CWC27: variants seen among roughly 807,000 people sequenced by gnomAD.
CWC27 encodes the protein CWC27 spliceosome associated cyclophilin, also known as spliceosome-associated protein CWC27 homolog.
In CWC27, 47 loss-of-function variants were observed where a neutral mutation model predicts 63.6. The ratio of observed to expected loss-of-function variants is 0.74; its 90% CI spans 0.58 to 0.94. The LOEUF (loss-of-function observed/expected upper bound fraction) is 0.94. Among genes scored for constraint, CWC27 ranks in the 40% least tolerant of loss-of-function variants. CWC27 has a pLI of 0.00. For missense variants in CWC27, 495 were observed against 554.3 expected (o/e 0.89, Z 1.07); for synonymous variants, 175 against 179.8 (o/e 0.97, Z 0.22).
intron 11 of CWC27, among the ~76,000 whole-genome samples, chr5:64,899,901 A>G (rs1747462792): frequency 1.3e-5 from 2 of 152,194 alleles, no homozygotes; most frequent in African/African-American, 4.8e-5. Flanking sequence ...TCTTATTTAA[A>G]TGAAATCATA....
intron 2 of CWC27, among the ~76,000 whole-genome samples, chr5:64,776,100 A>AGAGAGAGAGAGAGG: frequency 6.6e-6 from 1 of 150,392 alleles, no homozygotes; most frequent in African/African-American, 2.5e-5. Context: ...AGAGAGAGAG[A>AGAGAGAGAGAGAGG]GAGAGAGAGA....
chr5:64,969,895 C>T (rs1011132483), intron 11 of CWC27, among the ~76,000 whole-genome samples: 1 of 151,980 alleles, frequency 6.6e-6, no homozygotes, highest in Non-Finnish European at 1.5e-5. Flanking sequence ...GGAGAATTAA[C>T]AAGAACGGAG....
intron 13 of CWC27, among the ~76,000 whole-genome samples, chr5:64,983,401 T>G (rs1240027157): frequency 7.9e-5 from 12 of 152,162 alleles, no homozygotes; most frequent in Admixed American, 7.9e-4. Context: ...GGGATAAGAA[T>G]GAAATAGACA....
chr5:64,877,517 A>AAT (rs1157960944), intron 10 of CWC27, among the ~76,000 whole-genome samples: 1 of 152,020 alleles, frequency 6.6e-6, no homozygotes, highest in Non-Finnish European at 1.5e-5. Flanking sequence ...CATAGTTAAC[A>AAT]ATAATGGATT....
At chr5:64,940,022 T>C (rs11739391) in intron 11 of CWC27, among the ~76,000 whole-genome samples, 2,278 of 152,342 alleles carry the variant, frequency 0.015, 28 homozygotes, top group Non-Finnish European at 0.022. Flanking sequence ...GCAGCGAGAA[T>C]TTCAAGCCGG....
chr5:64,942,250 C>A (rs1021284625), intron 11 of CWC27, among the ~76,000 whole-genome samples: 5 of 151,288 alleles, frequency 3.3e-5, no homozygotes, highest in Admixed American at 6.6e-5. Context: ...CATAGTAAGA[C>A]CCCCGTCTCT....
Position 64,885,425 on chromosome 5 carries a change from ACT to A in CWC27, c.939-15_939-14del. ...TCTCAATATATTATATACTTATATA[ACT>A]CTTTTTGCTTTATAGTGAAGAGCTC... On this transcript the variant is annotated splice_polypyrimidine_tract_variant and intron_variant, in intron 10 of 13. Transcript: ENST00000381070. 1.9e-6 allele frequency: 3 copies of A among 1,545,384 alleles called. No individual in the cohort carries two copies. The highest frequency in any genetic ancestry group is 1.8e-6 in the Non-Finnish European group (2 of 1,136,402).
At position 64,816,228 on chromosome 5, in the gene CWC27, G is replaced by A. The variant is rs368338873; in HGVS notation, c.938+11842G>A. On this transcript the variant is annotated intron_variant, in intron 10 of 13. Coordinates refer to ENST00000381070, the MANE Select transcript of CWC27 (RefSeq NM_005869.4). The stretch of plus-strand genomic sequence containing the variant: ...AGAGAATCTTATTGGCGTGGCCCAG[G>A]TCAGGTGTCCACTCAATTATGCCAT... Among the ~76,000 whole-genome samples the A allele has an allele frequency of 1.6e-4, 24 of 152,212 alleles. No individual in the cohort carries two copies. The East Asian group carries it at 1.9e-3, about 12-fold the overall frequency.
chr5:64,813,514 T>G (rs1744945798), intron 10 of CWC27, among the ~76,000 whole-genome samples: 1 of 152,192 alleles, frequency 6.6e-6, no homozygotes, highest in African/African-American at 2.4e-5. Flanking sequence ...GAAGCTTCTC[T>G]TGTCAAAATA....
intron 10 of CWC27, among the ~76,000 whole-genome samples, chr5:64,818,720 T>C (rs957949800): frequency 6.6e-6 from 1 of 152,182 alleles, no homozygotes; most frequent in Admixed American, 6.6e-5. Flanking sequence ...TTTAGTGTGA[T>C]AGAAGGTGAG....
At chr5:64,893,648 G>A (rs1167986936) in intron 11 of CWC27, among the ~76,000 whole-genome samples, 1 of 152,090 alleles carries the variant, frequency 6.6e-6, no homozygotes, top group Admixed American at 6.6e-5. Flanking sequence ...AAGGAATACT[G>A]AAGTTCTCAG....
At chr5:64,843,212 C>CT (rs560443384) in intron 10 of CWC27, among the ~76,000 whole-genome samples, 137 of 152,240 alleles carry the variant, frequency 9.0e-4, no homozygotes, top group African/African-American at 3.3e-3. Flanking sequence ...AGCAAGAACT[C>CT]TGAGATTTTC....
At chr5:64,986,987 A>C (rs1294298982) in intron 13 of CWC27, among the ~76,000 whole-genome samples, 1 of 152,042 alleles carries the variant, frequency 6.6e-6, no homozygotes, top group Non-Finnish European at 1.5e-5. Context: ...AGCTCTTTAC[A>C]TGTTAGAAGT....
At chr5:64,851,330 T>A (rs1273836536) in intron 10 of CWC27, among the ~76,000 whole-genome samples, 1 of 152,130 alleles carries the variant, frequency 6.6e-6, no homozygotes, top group Non-Finnish European at 1.5e-5. Context: ...TTCTCACTTA[T>A]ATGTGGACTC....
chr5:64,951,779 A>G (rs1487706437), intron 11 of CWC27, among the ~76,000 whole-genome samples: 7 of 151,976 alleles, frequency 4.6e-5, no homozygotes, highest in Admixed American at 2.6e-4. Flanking sequence ...ACTTAGCACA[A>G]TGTTTCCAAG....
intron 10 of CWC27, among the ~76,000 whole-genome samples, chr5:64,870,041 G>A (rs1405267484): frequency 2.0e-5 from 3 of 152,022 alleles, no homozygotes; most frequent in Non-Finnish European, 2.9e-5. Context: ...CCTTGTAGTG[G>A]CATAGTGGCC....
At chr5:64,869,233 T>C (rs902952024) in intron 10 of CWC27, among the ~76,000 whole-genome samples, 1 of 152,112 alleles carries the variant, frequency 6.6e-6, no homozygotes, top group African/African-American at 2.4e-5. Flanking sequence ...TTCACCGTAT[T>C]CTATAAAATG....
intron 11 of CWC27, among the ~76,000 whole-genome samples, chr5:64,919,405 A>G (rs1425561527): frequency 6.6e-6 from 1 of 152,058 alleles, no homozygotes; most frequent in Non-Finnish European, 1.5e-5. Context: ...GGTTTGTTAC[A>G]TGGGTAAATT....
chr5:64,884,850 T>A (rs1250944969), intron 10 of CWC27, among the ~76,000 whole-genome samples: 7 of 152,196 alleles, frequency 4.6e-5, no homozygotes, highest in African/African-American at 1.7e-4. Context: ...AACACATGAT[T>A]ATATTAATCA....
Sources: gnomAD v4.1 joint callset for allele counts (sites outside exome capture counted in the v4.1 genomes callset) on GRCh38, gnomAD v4.1.1 for gene constraint, MANE v1.5 for transcripts, NCBI Gene and HGNC (gene_info 2026-07-23, HGNC 2026-07-21) for gene names.